SULT4A1: variants seen among roughly 807,000 people sequenced by gnomAD.
SULT4A1 encodes sulfotransferase 4A1.
In SULT4A1, 11 loss-of-function variants were observed where a neutral mutation model predicts 35.2. The ratio of observed to expected loss-of-function variants is 0.31; its 90% confidence interval spans 0.20 to 0.52. SULT4A1 has a LOEUF of 0.52. Ranked by LOEUF, SULT4A1 falls within the 20% of genes least tolerant of loss-of-function variation. The probability of loss-of-function intolerance (pLI) is 0.97; values close to 1 mark genes in which losing one functional copy is unlikely to be tolerated. For missense variants in SULT4A1, 271 were observed against 383.7 expected, an observed-to-expected ratio of 0.71 and a Z score of 2.45; for synonymous variants, 152 against 151.8, an observed-to-expected ratio of 1.00 and a Z score of -0.01.
chr22:43,846,083 G>A (rs759535014), intron 1 of SULT4A1, among the ~76,000 whole-genome samples: 1 of 152,182 alleles, frequency 6.6e-6, no homozygotes, highest in African/African-American at 2.4e-5. Flanking sequence ...CTCCCACAGA[G>A]TCAACGCAAG....
rs879594124 is a variant in SULT4A1 at position 43,824,996 on chromosome 22, C to T, written c.*1005G>A. On this transcript the variant is annotated 3_prime_UTR_variant, in exon 7 of 7. Transcript: ENST00000330884. Reference sequence around the variant, plus strand: ...TGAGGTGGACAGACACGCAGGCGGCCGTGCCAACCTGATCCGAGTGAAACA... The same window carrying T: ...TGAGGTGGACAGACACGCAGGCGGCTGTGCCAACCTGATCCGAGTGAAACA... 16 of 152,220 alleles carry T rather than the reference C, an allele frequency of 1.1e-4. No homozygotes were observed. Among genetic ancestry groups the T allele is most frequent in the Admixed American group, 2.6e-4 (4 of 15,282 alleles). 9.4% of individuals were successfully genotyped at this position (152,220 alleles called of 1,614,324 possible). A position where few individuals can be genotyped will look rare whatever the true frequency, so the allele number is the denominator to read the frequency against.
At chr22:43,827,241 G>C in intron 6 of SULT4A1, 3 of 985,406 alleles carry the variant, frequency 3.0e-6, no homozygotes, top group East Asian at 1.1e-4. Flanking sequence ...CACTAGCTCC[G>C]TTATTAACAG....
Position 43,844,957 on chromosome 22 carries a change from G to A in SULT4A1, c.170-3025C>T, listed in dbSNP as rs181972024. On this transcript the variant is annotated intron_variant, in intron 1 of 6. Coordinates refer to ENST00000330884, the MANE Select transcript of SULT4A1 (RefSeq NM_014351.4). ...GTGCCTTGAGTGCAGAGTCCCATTC[G>A]AGGACCCTAGGGCCAGGCAGGACAC... Among the ~76,000 whole-genome samples, 806 of 152,206 alleles carry A rather than the reference G, an allele frequency of 5.3e-3. 3 individuals carry two copies. The highest frequency in any genetic ancestry group is 0.019 in the African/African-American group (778 of 41,530).
At chr22:43,860,128 C>A (rs2049449376) in intron 1 of SULT4A1, among the ~76,000 whole-genome samples, 1 of 152,170 alleles carries the variant, frequency 6.6e-6, no homozygotes, top group African/African-American at 2.4e-5. Flanking sequence ...GGGACCAGGC[C>A]CTTCCGGCTC....
chr22:43,828,127 G>C (rs960988525), intron 6 of SULT4A1, among the ~76,000 whole-genome samples: 1 of 152,190 alleles, frequency 6.6e-6, no homozygotes, highest in Non-Finnish European at 1.5e-5. Context: ...TCTCTCATCC[G>C]CCCCAGGCAT....
intron 5 of SULT4A1, among the ~76,000 whole-genome samples, chr22:43,830,828 G>A (rs961920971): frequency 2.0e-5 from 3 of 152,146 alleles, no homozygotes; most frequent in Non-Finnish European, 2.9e-5. Flanking sequence ...TCAACCCCAG[G>A]GTGAGAACAC....
chr22:43,859,751 A>T (rs796082009), intron 1 of SULT4A1, among the ~76,000 whole-genome samples: 6 of 152,300 alleles, frequency 3.9e-5, no homozygotes, highest in African/African-American at 1.4e-4. Flanking sequence ...CTGTGATGGG[A>T]ACACTCCATA....
At chr22:43,854,332 C>A (rs1335222969) in intron 1 of SULT4A1, among the ~76,000 whole-genome samples, 4 of 152,194 alleles carry the variant, frequency 2.6e-5, no homozygotes, top group African/African-American at 9.7e-5. Context: ...CCAGGCTAGG[C>A]TGCTAGTCCC....
At chr22:43,835,895 A>AG (rs1293468667) in intron 4 of SULT4A1, among the ~76,000 whole-genome samples, 1 of 152,144 alleles carries the variant, frequency 6.6e-6, no homozygotes, top group Non-Finnish European at 1.5e-5. Context: ...CCACAGCAGG[A>AG]GGGGGGACGG....
intron 2 of SULT4A1, among the ~76,000 whole-genome samples, chr22:43,840,933 C>A (rs542458659): frequency 1.7e-3 from 259 of 152,314 alleles, no homozygotes; most frequent in Non-Finnish European, 3.2e-3. Context: ...TCAGACATCC[C>A]CAGAGGAGAC....
At chr22:43,860,813 T>C (rs931369920) in intron 1 of SULT4A1, among the ~76,000 whole-genome samples, 3 of 152,162 alleles carry the variant, frequency 2.0e-5, no homozygotes, top group Non-Finnish European at 4.4e-5. Context: ...GTCCCCCTCC[T>C]TCTTGGGCCC....
At chr22:43,843,448 C>T (rs2063449794) in intron 1 of SULT4A1, among the ~76,000 whole-genome samples, 1 of 152,182 alleles carries the variant, frequency 6.6e-6, no homozygotes, top group African/African-American at 2.4e-5. Flanking sequence ...AATTCTCTGA[C>T]CTGCCTTTTC....
chr22:43,842,077 C>A (rs1023502990), intron 1 of SULT4A1, 145 bp from the exon 2 acceptor site: 1 of 1,311,390 alleles, frequency 7.6e-7, no homozygotes, highest in Admixed American at 2.8e-5. Flanking sequence ...GAGGAGCGCG[C>A]CCCGCACGGT....
intron 1 of SULT4A1, among the ~76,000 whole-genome samples, chr22:43,848,374 G>A (rs919217723): frequency 1.5e-4 from 23 of 152,232 alleles, no homozygotes; most frequent in Admixed American, 6.5e-5. Context: ...GCAAGGACAC[G>A]CCACAGTCTC....
At chr22:43,829,807 T>C (rs1331937505) in intron 5 of SULT4A1, among the ~76,000 whole-genome samples, 1 of 150,680 alleles carries the variant, frequency 6.6e-6, no homozygotes, top group Non-Finnish European at 1.5e-5. Context: ...ATGAGGCTCC[T>C]CGTCTTCTCA....
intron 1 of SULT4A1, among the ~76,000 whole-genome samples, chr22:43,857,192 A>G (rs1274459493): frequency 6.6e-6 from 1 of 152,116 alleles, no homozygotes; most frequent in Admixed American, 6.6e-5. Flanking sequence ...AGAAGAAAGG[A>G]GCAGTTAGCC....
intron 5 of SULT4A1, among the ~76,000 whole-genome samples, chr22:43,832,105 C>T (rs569400710): frequency 2.6e-5 from 4 of 152,320 alleles, no homozygotes; most frequent in African/African-American, 7.2e-5. Flanking sequence ...CAGGAAACCA[C>T]GGCCGACGGC....
chr22:43,839,037 C>G, intron 3 of SULT4A1, 44 bp from the exon 4 acceptor site: 1 of 1,606,420 alleles, frequency 6.2e-7, no homozygotes, highest in Non-Finnish European at 8.5e-7. Context: ...TCCTTCCCTC[C>G]CAGGCAGGGC....
intron 1 of SULT4A1, among the ~76,000 whole-genome samples, chr22:43,845,708 G>A (rs927732826): frequency 6.6e-5 from 10 of 152,136 alleles, no homozygotes; most frequent in African/African-American, 1.7e-4. Context: ...AGGAGGAGGC[G>A]AGCACTGGGC....
Sources: gnomAD v4.1 joint callset for allele counts (sites outside exome capture counted in the v4.1 genomes callset) on GRCh38, gnomAD v4.1.1 for gene constraint, MANE v1.5 for transcripts, NCBI Gene and HGNC (gene_info 2026-07-23, HGNC 2026-07-21) for gene names.